The following XYLT1 variants were observed in gnomAD, a reference collection of about 807,000 sequenced individuals.
XYLT1 encodes the protein beta-D-xylosyltransferase 1.
Under a neutral mutation model 91.3 loss-of-function variants are expected in XYLT1, and 36 were observed. That is an observed-to-expected ratio of 0.39 (90% CI 0.30 to 0.52). XYLT1 has a LOEUF of 0.52. XYLT1 is among the 20% of genes least tolerant of loss of function. XYLT1 has a pLI of 0.68. For synonymous variants in XYLT1, 588 were observed against 532.0 expected, an observed-to-expected ratio of 1.11 and a Z score of -1.45; for missense variants, 1,242 against 1,284.5, an observed-to-expected ratio of 0.97 and a Z score of 0.51.
At chr16:17,455,678 G>A (rs2036731256) in intron 1 of XYLT1, among the ~76,000 whole-genome samples, 1 of 152,212 alleles carries the variant, frequency 6.6e-6, no homozygotes, top group Non-Finnish European at 1.5e-5. Flanking sequence ...CCAGGGTGGA[G>A]TTTGTTTCAT....
chr16:17,391,017 G>A (rs2035812345), intron 1 of XYLT1, among the ~76,000 whole-genome samples: 1 of 152,216 alleles, frequency 6.6e-6, no homozygotes, highest in African/African-American at 2.4e-5. Flanking sequence ...CAGCATGGGC[G>A]ACAGAGCGAG....
intron 2 of XYLT1, among the ~76,000 whole-genome samples, chr16:17,345,366 T>G (rs2035129791): frequency 6.6e-6 from 1 of 152,216 alleles, no homozygotes; most frequent in Admixed American, 6.5e-5. Flanking sequence ...AGGAGGAACA[T>G]TCCAGAGAAG....
intron 3 of XYLT1, among the ~76,000 whole-genome samples, chr16:17,213,996 A>G (rs1278159804): frequency 6.6e-6 from 1 of 152,172 alleles, no homozygotes; most frequent in Admixed American, 6.5e-5. Flanking sequence ...GTATTTCTCA[A>G]CAGGGACTAC....
At chr16:17,429,348 T>C (rs1000147069) in intron 1 of XYLT1, among the ~76,000 whole-genome samples, 1 of 152,222 alleles carries the variant, frequency 6.6e-6, no homozygotes, top group African/African-American at 2.4e-5. Context: ...TGATGAGAAA[T>C]GCGACAGCAA....
intron 3 of XYLT1, among the ~76,000 whole-genome samples, chr16:17,240,692 A>T (rs1408205585): frequency 1.3e-5 from 2 of 152,194 alleles, no homozygotes; most frequent in African/African-American, 2.4e-5. Flanking sequence ...AGAAGGAAAT[A>T]ATGCTTTCTT....
intron 1 of XYLT1, among the ~76,000 whole-genome samples, chr16:17,361,968 T>C (rs188726752): frequency 7.2e-5 from 11 of 152,314 alleles, no homozygotes; most frequent in Non-Finnish European, 2.9e-5. Flanking sequence ...AAGAGGTAGA[T>C]ACTATCATTA....
chr16:17,421,260 C>T (rs2036248512), intron 1 of XYLT1, among the ~76,000 whole-genome samples: 1 of 152,178 alleles, frequency 6.6e-6, no homozygotes, highest in African/African-American at 2.4e-5. Context: ...CACTACAAGG[C>T]TCCTGAAAAA....
intron 2 of XYLT1, among the ~76,000 whole-genome samples, chr16:17,311,222 A>T (rs1378452403): frequency 6.6e-6 from 1 of 152,198 alleles, no homozygotes; most frequent in Non-Finnish European, 1.5e-5. Context: ...CAAGGAGCCC[A>T]GCAGTATCAG....
chr16:17,138,625 G>A (rs2030858840), intron 7 of XYLT1, 94 bp from the exon 8 acceptor site: 5 of 1,419,964 alleles, frequency 3.5e-6, no homozygotes, highest in South Asian at 2.6e-5. Flanking sequence ...CTGAGTTCAT[G>A]TAAGAACTGG....
At chr16:17,318,264 C>G (rs1489174466) in intron 2 of XYLT1, among the ~76,000 whole-genome samples, 2 of 152,160 alleles carry the variant, frequency 1.3e-5, no homozygotes, top group East Asian at 3.9e-4. Flanking sequence ...ACTCCAAAGC[C>G]GGGGCTCTTA....
chr16:17,118,072 T>A, intron 10 of XYLT1, 93 bp from the exon 11 acceptor site: 1 of 1,284,638 alleles, frequency 7.8e-7, no homozygotes. Context: ...AGCTTTCATA[T>A]ACCCATTTTA....
At chr16:17,114,945 C>G (rs111366658) in intron 11 of XYLT1, among the ~76,000 whole-genome samples, 3 of 151,740 alleles carry the variant, frequency 2.0e-5, no homozygotes, top group Non-Finnish European at 4.4e-5. Flanking sequence ...CCCGGGTTCA[C>G]GCCATTCTCC....
intron 9 of XYLT1, among the ~76,000 whole-genome samples, chr16:17,129,585 A>G (rs1376603324): frequency 6.6e-6 from 1 of 152,084 alleles, no homozygotes. Context: ...TTATTTCCAT[A>G]GGATTTTGGG....
intron 1 of XYLT1, among the ~76,000 whole-genome samples, chr16:17,395,093 A>G (rs2035867090): frequency 6.6e-6 from 1 of 152,228 alleles, no homozygotes; most frequent in Non-Finnish European, 1.5e-5. Flanking sequence ...ATCGTGGCAG[A>G]AGAGGAAGAG....
intron 3 of XYLT1, among the ~76,000 whole-genome samples, chr16:17,217,756 G>C (rs1023466616): frequency 6.6e-6 from 1 of 152,134 alleles, no homozygotes; most frequent in Non-Finnish European, 1.5e-5. Context: ...TGAAAAGTAC[G>C]GGCGGCCAGG....
rs774302454 is a variant in XYLT1, at chr16:17,198,264, C to G, written c.1237G>C (p.Asp413His). The G allele has an allele frequency of 6.2e-6, 10 of 1,614,156 alleles. No homozygotes were observed. Among genetic ancestry groups the G allele is most frequent in the Non-Finnish European group, 8.5e-6 (10 of 1,180,014 alleles). Residue 413 changes from aspartate (D) to histidine (H), a missense_variant, in exon 5 of 12, where the codon GAC becomes CAC. Asp to His is a moderately conservative substitution (Grantham distance 81). Transcript: ENST00000261381. Reference sequence around the variant, plus strand: ...TTGATGAAGAAGTCCCAGGGCCAGTCGGTCATCTCCAGGAGGTCCCGCATG... The same window carrying G: ...TTGATGAAGAAGTCCCAGGGCCAGTGGGTCATCTCCAGGAGGTCCCGCATG... The part of the protein sequence containing the change: ...QSMRDLLEMT[D>H]WPWDFFINLS...
At position 17,108,767 on chromosome 16, in the gene XYLT1, C is replaced by T. The variant is rs201780306; in HGVS notation, c.2808G>A (p.Thr936=). ...ACPVMQTCSQ[T]AWSSFSPDPK... ...GGTCAGGGCTGAAGGAGCTCCAGGC[C>T]GTCTGGCTGCAGGTCTGCATGACCG... The change falls in exon 12 of 12, where the codon ACG becomes ACA. Residue 936 remains threonine, a synonymous_variant. Coordinates refer to ENST00000261381, the MANE Select transcript of XYLT1 (RefSeq NM_022166.4). The T allele has an allele frequency of 2.6e-5, 42 of 1,608,626 alleles. No individual in the cohort carries two copies. The highest frequency in any genetic ancestry group is 4.4e-5 in the South Asian group (4 of 90,918).
chr16:17,357,874 T>C, intron 2 of XYLT1, 138 bp downstream of exon 2: 3 of 850,614 alleles, frequency 3.5e-6, no homozygotes, highest in Non-Finnish European at 5.5e-6. Context: ...TATACATACA[T>C]GTGCAGGCAC....
intron 2 of XYLT1, among the ~76,000 whole-genome samples, chr16:17,346,203 G>A (rs1446398637): frequency 6.6e-6 from 1 of 152,196 alleles, no homozygotes; most frequent in Non-Finnish European, 1.5e-5. Context: ...CAGGGGGTCT[G>A]CTGCATAGAC....
Sources: gnomAD v4.1 joint callset for allele counts (sites outside exome capture counted in the v4.1 genomes callset) on GRCh38, gnomAD v4.1.1 for gene constraint, MANE v1.5 for transcripts, NCBI Gene and HGNC (gene_info 2026-07-23, HGNC 2026-07-21) for gene names.